Variants in BCKDHB observed in about 807,000 individuals in gnomAD.
The protein encoded by BCKDHB is 2-oxoisovalerate dehydrogenase subunit beta, mitochondrial.
A neutral mutation model predicts 48.5 loss-of-function variants in BCKDHB; 41 were observed. That is an observed-to-expected ratio of 0.85 (90% confidence interval 0.66 to 1.10). The LOEUF is 1.10. BCKDHB is among the 50% of genes least tolerant of loss of function. BCKDHB has a pLI of 0.00. For missense variants in BCKDHB, 496 were observed against 494.2 expected (o/e 1.00, Z -0.03); for synonymous variants, 201 against 174.8 (o/e 1.15, Z -1.18).
rs181782750 is a variant in BCKDHB, at chr6:80,327,802, A to T, written c.1039-15862A>T. On this transcript the variant is annotated intron_variant, in intron 9 of 9. Coordinates refer to ENST00000320393, the MANE Select transcript of BCKDHB (RefSeq NM_183050.4). The stretch of plus-strand genomic sequence containing the variant: ...TTAGCCCCCTTCAGCATTTATTCAG[A>T]ATAATGCCTCTTAAAAAAGTGTTTA... Among the ~76,000 whole-genome samples the T allele has an allele frequency of 6.6e-5, 10 of 152,134 alleles. No individual in the cohort carries two copies. In the East Asian group the frequency reaches 1.9e-3, roughly 29 times the overall value.
rs565055111 is a variant in BCKDHB at position 80,259,408 on chromosome 6, T to G, written c.952-13727T>G. 2.0e-5 allele frequency among the ~76,000 whole-genome samples: 3 copies of G among 152,284 alleles called. No individual in the cohort carries two copies. The East Asian group carries it at 5.8e-4, about 29-fold the overall frequency. On this transcript the variant is annotated intron_variant, in intron 8 of 9. Transcript: ENST00000320393. ...GTAGTAGGACCGGGGAGCAATAACATTGAAAGCTATGTCAAGATTCCACCC... is the reference window on the plus strand; with the variant it reads ...GTAGTAGGACCGGGGAGCAATAACAGTGAAAGCTATGTCAAGATTCCACCC...
In BCKDHB at chr6:80,238,273, T is replaced by C. The variant is rs143930919; in HGVS notation, c.952-34862T>C. Among the ~76,000 whole-genome samples, 727 of 152,232 alleles carry C rather than the reference T, an allele frequency of 4.8e-3. 5 individuals are homozygous for C. Among genetic ancestry groups the C allele is most frequent in the African/African-American group, 0.017 (701 of 41,528 alleles). ...CCACCACACCCGGCTAGTTTTTGTA[T>C]TTTTTAGTATAGACTGGGTTTTGCC... On this transcript the variant is annotated intron_variant, in intron 8 of 9. Transcript: ENST00000320393.
chr6:80,447,033 T>C, the BCKDHB span, among the ~76,000 whole-genome samples: 3 of 152,172 alleles, frequency 2.0e-5, no homozygotes, highest in African/African-American at 4.8e-5. Context: ...TTGTCCAAGA[T>C]GGCAATGCTC....
At chr6:80,292,287 T>C (rs906454334) in intron 9 of BCKDHB, among the ~76,000 whole-genome samples, 5 of 152,216 alleles carry the variant, frequency 3.3e-5, no homozygotes, top group South Asian at 2.1e-4. Flanking sequence ...ATACCTGATA[T>C]TGGGTAATTT....
At chr6:80,382,227 T>G in the BCKDHB span, among the ~76,000 whole-genome samples, 6 of 152,286 alleles carry the variant, frequency 3.9e-5, no homozygotes, top group Middle Eastern at 6.8e-3. Flanking sequence ...AGTATGAGTT[T>G]GTAATACTCA....
chr6:80,353,147 G>T, the BCKDHB span, among the ~76,000 whole-genome samples: 1 of 152,068 alleles, frequency 6.6e-6, no homozygotes, highest in East Asian at 1.9e-4. Flanking sequence ...TTATGAGTGA[G>T]AGCATGTGAT....
chr6:80,251,171 G>A (rs991574886), intron 8 of BCKDHB, among the ~76,000 whole-genome samples: 3 of 152,000 alleles, frequency 2.0e-5, no homozygotes, highest in Non-Finnish European at 2.9e-5. Flanking sequence ...ATTTTGTTTT[G>A]CTGTTTAAAA....
chr6:80,404,920 T>A, the BCKDHB span, among the ~76,000 whole-genome samples: 102 of 152,262 alleles, frequency 6.7e-4, no homozygotes, highest in Middle Eastern at 0.01. Flanking sequence ...TGGTATAATT[T>A]TGACCTTAAA....
intron 5 of BCKDHB, chr6:80,169,886 G>A: frequency 6.3e-7 from 1 of 1,590,968 alleles, no homozygotes; most frequent in East Asian, 2.3e-5. Flanking sequence ...TGTAGACTGG[G>A]AAAGAAGCCA....
the BCKDHB span, among the ~76,000 whole-genome samples, chr6:80,413,591 G>A: frequency 2.0e-5 from 3 of 152,092 alleles, no homozygotes; most frequent in Non-Finnish European, 4.4e-5. Flanking sequence ...AAGGATAATG[G>A]CATCCAACTA....
At chr6:80,124,649 T>A (rs1193622046) in intron 1 of BCKDHB, among the ~76,000 whole-genome samples, 1 of 152,196 alleles carries the variant, frequency 6.6e-6, no homozygotes, top group African/African-American at 2.4e-5. Flanking sequence ...ATGGCCTTCT[T>A]TGTCTCTTTT....
chr6:80,450,805 G>T, the BCKDHB span, among the ~76,000 whole-genome samples: 1 of 151,968 alleles, frequency 6.6e-6, no homozygotes, highest in Admixed American at 6.6e-5. Flanking sequence ...TTCCAAACGG[G>T]GTAGATTCAC....
intron 3 of BCKDHB, among the ~76,000 whole-genome samples, chr6:80,144,488 G>C (rs1164681178): frequency 6.6e-6 from 1 of 152,142 alleles, no homozygotes; most frequent in Non-Finnish European, 1.5e-5. Context: ...TGTGTTCTCT[G>C]TAATGACTGA....
chr6:80,221,897 T>C (rs1732804257), intron 8 of BCKDHB, among the ~76,000 whole-genome samples: 1 of 152,232 alleles, frequency 6.6e-6, no homozygotes, highest in South Asian at 2.1e-4. Flanking sequence ...CAATTCAGAA[T>C]TGGGCTTCCT....
the BCKDHB span, among the ~76,000 whole-genome samples, chr6:80,415,098 C>T: frequency 6.6e-6 from 1 of 151,928 alleles, no homozygotes; most frequent in Non-Finnish European, 1.5e-5. Flanking sequence ...ATGTTAGTGA[C>T]TTTTGCACAT....
At chr6:80,141,695 G>C (rs1562082179) in intron 3 of BCKDHB, among the ~76,000 whole-genome samples, 1 of 152,078 alleles carries the variant, frequency 6.6e-6, no homozygotes, top group African/African-American at 2.4e-5. Flanking sequence ...ATTATTGTCA[G>C]AAAGTATAAA....
the BCKDHB span, among the ~76,000 whole-genome samples, chr6:80,419,835 T>A: frequency 6.6e-6 from 1 of 152,066 alleles, no homozygotes; most frequent in Non-Finnish European, 1.5e-5. Flanking sequence ...CTTTTAATTA[T>A]TTTTTTTCTT....
At chr6:80,217,144 G>A (rs1183966878) in intron 8 of BCKDHB, among the ~76,000 whole-genome samples, 1 of 152,008 alleles carries the variant, frequency 6.6e-6, no homozygotes, top group Admixed American at 6.6e-5. Context: ...CGGGAGGCTG[G>A]GGCAGAGAAA....
At chr6:80,373,026 C>A in the BCKDHB span, among the ~76,000 whole-genome samples, 1 of 152,088 alleles carries the variant, frequency 6.6e-6, no homozygotes, top group Non-Finnish European at 1.5e-5. Flanking sequence ...AGGATTGGTA[C>A]CAATTCTTCT....
Sources: allele counts gnomAD v4.1 joint callset (sites outside exome capture counted in the v4.1 genomes callset), GRCh38; gene constraint gnomAD v4.1.1; transcripts MANE v1.5; gene names NCBI Gene and HGNC (gene_info 2026-07-23, HGNC 2026-07-21).